Variants in CDH23 observed in about 807,000 individuals in gnomAD.
CDH23 encodes cadherin-23.
CDH23 carries 189 observed loss-of-function variants against 317.1 expected under a neutral mutation model. The ratio of observed to expected loss-of-function variants is 0.60; its 90% confidence interval spans 0.53 to 0.67. The LOEUF (loss-of-function observed/expected upper bound fraction) is 0.67. CDH23 is among the 30% of genes least tolerant of loss of function. CDH23 has a pLI of 0.00. For missense variants in CDH23, 4,401 were observed against 4,592.4 expected (o/e 0.96, Z 1.20); for synonymous variants, 1,839 against 1,876.8 (o/e 0.98, Z 0.52).
intron 30 of CDH23, among the ~76,000 whole-genome samples, chr10:71,729,643 A>G (rs572392713): frequency 6.6e-6 from 1 of 152,326 alleles, no homozygotes; most frequent in South Asian, 2.1e-4. Context: ...GAGAAGGTGC[A>G]CAAGTAAAGA....
rs749983579 is a variant in CDH23, at chr10:71,800,678, G to A, written c.7405G>A (p.Asp2469Asn). 5 of 1,611,918 alleles carry A rather than the reference G, an allele frequency of 3.1e-6. No individual in the cohort carries two copies. The Admixed American group carries it at 8.3e-5, about 27-fold the overall frequency. The change falls in exon 53 of 70, where the codon GAC (aspartate) becomes AAC (asparagine). Residue 2469 changes from aspartate (D) to asparagine (N), a missense_variant. Asp to Asn is a conservative substitution (Grantham distance 23). Around this residue, in one of 3 missense-constraint regions of CDH23, gnomAD observed 189 missense variants for 250.9 expected, o/e 0.75. Transcript: ENST00000224721. Reference sequence around the variant, plus strand: ...GTCTTCTCTGGACCGGGAGAAGAAGGACCACTATATCCTGACTGCCTTGGC... The same window carrying A: ...GTCTTCTCTGGACCGGGAGAAGAAGAACCACTATATCCTGACTGCCTTGGC... ...VLSSLDREKK[D>N]HYILTALAKD...
intron 34 of CDH23, chr10:71,737,908 C>T (rs1839612844): frequency 2.3e-6 from 1 of 431,024 alleles, no homozygotes; most frequent in Non-Finnish European, 4.7e-6. Context: ...CACATGCCTT[C>T]CCCATCTGCC....
chr10:71,808,032 G>T lies in CDH23; in HGVS notation c.8722+25G>T, dbSNP rs1372077882. 5.1e-6 allele frequency: 8 copies of T among 1,564,846 alleles called. No individual in the cohort carries two copies. In the South Asian group the frequency reaches 7.1e-5, roughly 14 times the overall value. On this transcript the variant is annotated intron_variant, in intron 60 of 69. Coordinates refer to ENST00000224721, the MANE Select transcript of CDH23 (RefSeq NM_022124.6). ...GGTAGGGCCTGGCAGCACATGAGTG[G>T]CCTCTAGCCATGACCTCTCAGTCAC...
At chr10:71,701,307 G>A (rs910858712) in intron 22 of CDH23, among the ~76,000 whole-genome samples, 4 of 152,174 alleles carry the variant, frequency 2.6e-5, no homozygotes, top group African/African-American at 7.2e-5. Flanking sequence ...GGGCCTCGGC[G>A]AAGATGAGGA....
rs114676717 is a variant in CDH23, at chr10:71,713,666, C to T, written c.3369+853C>T. On this transcript the variant is annotated intron_variant, in intron 28 of 69. Coordinates refer to ENST00000224721, the MANE Select transcript of CDH23 (RefSeq NM_022124.6). ...AGAAGGAGGAAGTAGAGGGTTCTCT[C>T]GATCAGGGCCTCAGCTTGTGAGGAC... is the stretch of plus-strand genomic sequence containing the variant. The T allele has an allele frequency of 5.3e-3, 1,266 of 237,482 alleles. 15 individuals carry two copies. The highest frequency in any genetic ancestry group is 0.026 in the African/African-American group (1,136 of 43,496). 14.7% of individuals were successfully genotyped at this position (237,482 alleles called of 1,614,324 possible).
chr10:71,397,269 G>A lies in CDH23; in HGVS notation c.-55G>A, dbSNP rs939943382. On this transcript the variant is annotated 5_prime_UTR_variant, in exon 1 of 70. Transcript: ENST00000224721. The surrounding 1 kb of genome is among the most constrained non-coding windows in gnomAD (Gnocchi z 4.8). ...CCCGCGGGGGCCGATCCGGCGGAGA[G>A]CAGAGCCCGAGGCGAGGCGAGGCGC... is the stretch of plus-strand genomic sequence containing the variant. 2.8e-4 allele frequency: 49 copies of A among 177,154 alleles called. No homozygotes were observed. The highest frequency in any genetic ancestry group is 4.8e-4 in the Non-Finnish European group (41 of 85,702). 11.0% of individuals were successfully genotyped at this position (177,154 alleles called of 1,614,324 possible).
chr10:71,583,573 G>A (rs1407154026), intron 9 of CDH23, among the ~76,000 whole-genome samples: 1 of 152,172 alleles, frequency 6.6e-6, no homozygotes, highest in Non-Finnish European at 1.5e-5. Flanking sequence ...AGGCCTTAGA[G>A]GAGGTGCTGA....
At chr10:71,454,847 T>TA (rs569853087) in intron 3 of CDH23, among the ~76,000 whole-genome samples, 6,729 of 141,332 alleles carry the variant, frequency 0.048, 195 homozygotes, top group Middle Eastern at 0.077. Flanking sequence ...TACATTTTAT[T>TA]TTTTTTTTTT....
intron 20 of CDH23, among the ~76,000 whole-genome samples, chr10:71,691,871 T>C (rs535846451): frequency 1.6e-4 from 24 of 152,298 alleles, no homozygotes; most frequent in African/African-American, 5.8e-4. Context: ...TCCTGGAGGC[T>C]TGGGGAGCAG....
chr10:71,683,996 G>T (rs375288790), intron 18 of CDH23, among the ~76,000 whole-genome samples: 2 of 152,016 alleles, frequency 1.3e-5, no homozygotes, highest in African/African-American at 4.8e-5. Flanking sequence ...CAGGAGAATC[G>T]TTTGAACTCA....
At chr10:71,695,238 C>T (rs769630511) in intron 21 of CDH23, among the ~76,000 whole-genome samples, 180 bp from the exon 22 acceptor site, 8 of 152,254 alleles carry the variant, frequency 5.3e-5, no homozygotes, top group Non-Finnish European at 8.8e-5. Flanking sequence ...TCTCCTGAAG[C>T]GGCCTGGCTC....
At position 71,777,632 on chromosome 10, in the gene CDH23, G is replaced by A. The variant is rs757975855; in HGVS notation, c.4846-48G>A. 11 of 1,532,670 alleles carry A rather than the reference G, an allele frequency of 7.2e-6. No homozygotes were observed. In the East Asian group the frequency reaches 9.6e-5, roughly 13 times the overall value. The allele number at this position is 1,532,670 out of a possible 1,614,324, so 94.9% of individuals were successfully genotyped here. A position where few individuals can be genotyped will look rare whatever the true frequency, so the allele number is the denominator to read the frequency against. ...GAGAACAGCCATCTGGATCCACCTT[G>A]GTCCCTCTGGCCACCTGACCAAGGA... On this transcript the variant is annotated intron_variant, in intron 38 of 69. Coordinates refer to ENST00000224721, the MANE Select transcript of CDH23 (RefSeq NM_022124.6).
In CDH23 at chr10:71,812,533, A is replaced by G; in HGVS notation, c.9434A>G (p.Gln3145Arg). The G allele has an allele frequency of 7.2e-7, 1 of 1,391,068 alleles. No individual in the cohort carries two copies. The highest frequency in any genetic ancestry group is 1.1e-5 in the South Asian group (1 of 88,310). 86.2% of individuals were successfully genotyped at this position (1,391,068 alleles called of 1,614,324 possible). The change falls in exon 67 of 70, where the codon CAG becomes CGG. Residue 3145 changes from glutamine to arginine, a missense_variant. Gln to Arg is a conservative substitution (Grantham distance 43). Around this residue, in one of 3 missense-constraint regions of CDH23, gnomAD observed 1,144 missense variants for 1,138.2 expected, o/e 1.01. Coordinates refer to ENST00000224721, the MANE Select transcript of CDH23 (RefSeq NM_022124.6). ...TGTCGGAACCTGGAGCTGGCCGCCC[A>G]GGCGGAGCATGAGGATGACCTACCG... ...PFCRNLELAA[Q>R]AEHEDDLPEN...
intron 9 of CDH23, among the ~76,000 whole-genome samples, chr10:71,583,372 G>T (rs574175619): frequency 1.3e-5 from 2 of 151,998 alleles, no homozygotes; most frequent in African/African-American, 2.4e-5. Flanking sequence ...CACCTGGGGG[G>T]TCTTGGGAGT....
intron 6 of CDH23, among the ~76,000 whole-genome samples, chr10:71,548,929 G>C (rs894365291): frequency 6.6e-6 from 1 of 152,238 alleles, no homozygotes; most frequent in Non-Finnish European, 1.5e-5. Flanking sequence ...ATAACCGATA[G>C]CTCATGAGAC....
Position 71,607,119 on chromosome 10 carries a change from C to A in CDH23, c.833-8385C>A, listed in dbSNP as rs115456627. Among the ~76,000 whole-genome samples the A allele has an allele frequency of 6.5e-3, 990 of 152,346 alleles. 7 individuals carry two copies. The highest frequency in any genetic ancestry group is 0.023 in the African/African-American group (940 of 41,588). ...GCTCAAGGCCCATATCTCATACTGA[C>A]TCCCAATTTTCATTATACAGTGATA... On this transcript the variant is annotated intron_variant, in intron 9 of 69. Coordinates refer to ENST00000224721, the MANE Select transcript of CDH23 (RefSeq NM_022124.6).
At chr10:71,445,451 C>T (rs1320467124) in intron 2 of CDH23, among the ~76,000 whole-genome samples, 1 of 152,240 alleles carries the variant, frequency 6.6e-6, no homozygotes, top group Non-Finnish European at 1.5e-5. Context: ...AAGCCCTGTC[C>T]TTGCAGAGCT....
chr10:71,639,320 C>G (rs896663173), intron 11 of CDH23, among the ~76,000 whole-genome samples: 1 of 152,248 alleles, frequency 6.6e-6, no homozygotes, highest in Admixed American at 6.5e-5. Context: ...CTCCGCATCT[C>G]CACCCCATGA....
At chr10:71,490,008 G>C (rs1219164141) in intron 3 of CDH23, among the ~76,000 whole-genome samples, 3 of 151,814 alleles carry the variant, frequency 2.0e-5, no homozygotes, top group Non-Finnish European at 2.9e-5. Flanking sequence ...GAGGTTCTTT[G>C]GGGTGCCTGC....
Sources: gnomAD v4.1 joint callset for allele counts (sites outside exome capture counted in the v4.1 genomes callset) on GRCh38, gnomAD v4.1.1 for gene constraint, gnomAD v4.1.1 regional missense constraint, Gnocchi (gnomAD v3.1) non-coding constraint, MANE v1.5 for transcripts, NCBI Gene and HGNC (gene_info 2026-07-23, HGNC 2026-07-21) for gene names.